The following UBE2R2 variants were observed in gnomAD, a reference collection of about 807,000 sequenced individuals.
The protein encoded by UBE2R2 is ubiquitin conjugating enzyme E2 R2.
UBE2R2 carries 1 observed loss-of-function variant against 27.8 expected under a neutral mutation model. That is an observed-to-expected ratio of 0.04 (90% confidence interval 0.01 to 0.17). The LOEUF is 0.17. UBE2R2 is among the 10% of genes least tolerant of loss of function. UBE2R2 has a pLI of 1.00. For missense variants in UBE2R2, 100 were observed against 291.0 expected (o/e 0.34, Z 4.78); for synonymous variants, 106 against 113.3 (o/e 0.94, Z 0.41).
chr9:33,881,993 T>C (rs1232132745), intron 1 of UBE2R2, among the ~76,000 whole-genome samples: 2 of 152,212 alleles, frequency 1.3e-5, no homozygotes, highest in Non-Finnish European at 2.9e-5. Flanking sequence ...CACCAGTATT[T>C]TTCCATTCAG....
At chr9:33,820,631 A>G (rs1825964858) in intron 1 of UBE2R2, among the ~76,000 whole-genome samples, 1 of 152,238 alleles carries the variant, frequency 6.6e-6, no homozygotes, top group Non-Finnish European at 1.5e-5. Flanking sequence ...TCCCTACCAT[A>G]TCACTCTTCT....
At chr9:33,828,428 C>G (rs1239651794) in intron 1 of UBE2R2, among the ~76,000 whole-genome samples, 1 of 140,980 alleles carries the variant, frequency 7.1e-6, no homozygotes, top group Non-Finnish European at 1.5e-5. Flanking sequence ...GTCTCACTGT[C>G]GTCCACGCTG....
At chr9:33,847,018 T>C (rs1820861422) in intron 1 of UBE2R2, among the ~76,000 whole-genome samples, 1 of 151,896 alleles carries the variant, frequency 6.6e-6, no homozygotes, top group African/African-American at 2.4e-5. Context: ...TTGAAGGTTT[T>C]TTTTTTTCTG....
At chr9:33,905,435 T>G (rs1822332187) in intron 3 of UBE2R2, among the ~76,000 whole-genome samples, 1 of 152,160 alleles carries the variant, frequency 6.6e-6, no homozygotes, top group South Asian at 2.1e-4. Context: ...TTTATTTGCT[T>G]CCTTGGTTTT....
At chr9:33,842,821 T>A (rs1230113986) in intron 1 of UBE2R2, among the ~76,000 whole-genome samples, 1 of 152,088 alleles carries the variant, frequency 6.6e-6, no homozygotes, top group Non-Finnish European at 1.5e-5. Flanking sequence ...TATATAAATT[T>A]CCTTTTGTAC....
chr9:33,901,464 AAGG>A (rs1822244003), intron 3 of UBE2R2, among the ~76,000 whole-genome samples: 1 of 152,244 alleles, frequency 6.6e-6, no homozygotes, highest in Admixed American at 6.5e-5. Context: ...GCCCACAACT[AAGG>A]AGAGGGTGGC....
At chr9:33,867,511 A>T (rs2130775572) in intron 1 of UBE2R2, among the ~76,000 whole-genome samples, 1 of 152,190 alleles carries the variant, frequency 6.6e-6, no homozygotes, top group Admixed American at 6.5e-5. Flanking sequence ...AGCTGGTTGT[A>T]CCTGTTCTGC....
chr9:33,828,496 T>G (rs1353748526), intron 1 of UBE2R2, among the ~76,000 whole-genome samples: 1 of 151,648 alleles, frequency 6.6e-6, no homozygotes, highest in Non-Finnish European at 1.5e-5. Flanking sequence ...TTCAATCAGT[T>G]CTGCTGCCTT....
intron 1 of UBE2R2, among the ~76,000 whole-genome samples, chr9:33,852,961 T>G (rs1210358836): frequency 6.6e-6 from 1 of 152,112 alleles, no homozygotes; most frequent in Non-Finnish European, 1.5e-5. Flanking sequence ...TGAGCTGAGA[T>G]TGCACTGCTG....
intron 1 of UBE2R2, among the ~76,000 whole-genome samples, chr9:33,819,950 T>C (rs1036243675): frequency 6.6e-6 from 1 of 152,244 alleles, no homozygotes; most frequent in African/African-American, 2.4e-5. Context: ...ATGCCTTTTC[T>C]GACAAAACAT....
intron 2 of UBE2R2, among the ~76,000 whole-genome samples, chr9:33,896,031 C>A (rs890291640): frequency 2.6e-5 from 4 of 152,144 alleles, no homozygotes; most frequent in East Asian, 3.9e-4. Context: ...CCCCGGCCCC[C>A]CAAAGTGCTG....
intron 2 of UBE2R2, among the ~76,000 whole-genome samples, chr9:33,887,553 T>A (rs899542507): frequency 1.3e-5 from 2 of 152,262 alleles, no homozygotes; most frequent in African/African-American, 4.8e-5. Flanking sequence ...ATAAGGATAC[T>A]AGAATAATGC....
At chr9:33,916,787 CTTGATA>C (rs1822655733) in intron 4 of UBE2R2, among the ~76,000 whole-genome samples, 1 of 152,162 alleles carries the variant, frequency 6.6e-6, no homozygotes, top group Non-Finnish European at 1.5e-5. Flanking sequence ...TTTAAACTCC[CTTGATA>C]TTAACAGTGT....
chr9:33,874,097 G>A (rs947360813), intron 1 of UBE2R2, among the ~76,000 whole-genome samples: 2 of 151,660 alleles, frequency 1.3e-5, no homozygotes, highest in African/African-American at 4.8e-5. Context: ...ACAGGTGCCC[G>A]CTGCCATGCC....
intron 1 of UBE2R2, among the ~76,000 whole-genome samples, chr9:33,850,612 C>T (rs2130752814): frequency 6.6e-6 from 1 of 152,262 alleles, no homozygotes; most frequent in South Asian, 2.1e-4. Context: ...CTTAAATTTG[C>T]CTGCCCCTAC....
chr9:33,871,866 A>T (rs1821492283), intron 1 of UBE2R2, among the ~76,000 whole-genome samples: 1 of 152,074 alleles, frequency 6.6e-6, no homozygotes, highest in Non-Finnish European at 1.5e-5. Flanking sequence ...GTGTGCCACC[A>T]TGCATGGCTA....
At chr9:33,901,393 C>T (rs148024340) in intron 3 of UBE2R2, among the ~76,000 whole-genome samples, 1,945 of 152,238 alleles carry the variant, frequency 0.013, 19 homozygotes, top group South Asian at 0.051. Flanking sequence ...AGCTTTTCTC[C>T]ACTGTAAAGT....
intron 1 of UBE2R2, among the ~76,000 whole-genome samples, chr9:33,822,754 G>T: frequency 6.6e-6 from 1 of 151,174 alleles, no homozygotes; most frequent in Non-Finnish European, 1.5e-5. Flanking sequence ...AAGAGAATAT[G>T]CATTATTTCC....
intron 1 of UBE2R2, among the ~76,000 whole-genome samples, chr9:33,818,341 C>G (rs1331327480): frequency 8.2e-6 from 1 of 122,396 alleles, no homozygotes; most frequent in African/African-American, 3.3e-5. Context: ...TGACCTGCAC[C>G]GACTGGATTG....
Sources: allele counts gnomAD v4.1 joint callset (sites outside exome capture counted in the v4.1 genomes callset), GRCh38; gene constraint gnomAD v4.1.1; transcripts MANE v1.5; gene names NCBI Gene and HGNC (gene_info 2026-07-23, HGNC 2026-07-21).